Variants in PLGRKT observed in about 807,000 individuals in gnomAD.
PLGRKT encodes plasminogen receptor with a C-terminal lysine, also known as plasminogen receptor (KT).
Under a neutral mutation model 18.5 loss-of-function variants are expected in PLGRKT, and 22 were observed. That is an observed-to-expected ratio of 1.19 (90% CI 0.85 to 1.70). PLGRKT has a LOEUF of 1.70. Ranked by LOEUF, PLGRKT falls within the 40% of genes most tolerant of loss-of-function variation. The probability of loss-of-function intolerance (pLI) is 0.00; values close to 1 mark genes in which losing one functional copy is unlikely to be tolerated. For missense variants in PLGRKT, 235 were observed against 174.4 expected (o/e 1.35, Z -1.96); for synonymous variants, 72 against 52.8 (o/e 1.36, Z -1.58).
intron 3 of PLGRKT, among the ~76,000 whole-genome samples, chr9:5,431,301 A>C (rs1254319050): frequency 2.0e-5 from 3 of 152,142 alleles, no homozygotes; most frequent in Non-Finnish European, 4.4e-5. Context: ...TGGGAGGCTG[A>C]GGCCAGTAGA....
At chr9:5,438,101 G>A (rs1419434453), upstream of PLGRKT, among the ~76,000 whole-genome samples, 1 of 152,176 alleles carries the variant, frequency 6.6e-6, no homozygotes, top group Non-Finnish European at 1.5e-5. Flanking sequence ...CAGAGGAAGC[G>A]GAGTGGAATT....
At position 5,418,358 on chromosome 9, in the gene PLGRKT, G is replaced by A. The variant is rs894245436; in HGVS notation, c.81+13539C>T. 1.4e-6 allele frequency: 1 copy of A among 711,780 alleles called. No individual in the cohort carries two copies. Among genetic ancestry groups the A allele is most frequent in the African/African-American group, 1.8e-5 (1 of 56,748 alleles). The allele number at this position is 711,780 out of a possible 1,614,324, so 44.1% of individuals were successfully genotyped here. A position where few individuals can be genotyped will look rare whatever the true frequency, so the allele number is the denominator to read the frequency against. The stretch of plus-strand genomic sequence containing the variant: ...GTTGGCACCCACAAGAGACTTCCCT[G>A]CAGCCCTCTCCAGCCACAAGATGTC... On this transcript the variant is annotated intron_variant, in intron 3 of 5. Transcript: ENST00000223864. The surrounding 1 kb of genome is among the most constrained non-coding windows in gnomAD (Gnocchi z 4.2).
In PLGRKT at chr9:5,418,406, AG is replaced by A. The variant is rs775943398; in HGVS notation, c.81+13490del. On this transcript the variant is annotated intron_variant, in intron 3 of 5. Coordinates refer to ENST00000223864, the MANE Select transcript of PLGRKT (RefSeq NM_018465.4). The surrounding 1 kb of genome is among the most constrained non-coding windows in gnomAD (Gnocchi z 4.2). ...GTCACAGTCAAGCGCTTAGAAATGCAGGACATGTTATGGAGCACGATGCTGA... is the reference window on the plus strand; with the variant it reads ...GTCACAGTCAAGCGCTTAGAAATGCAGACATGTTATGGAGCACGATGCTGA... 17 of 831,744 alleles carry A rather than the reference AG, an allele frequency of 2.0e-5. No individual in the cohort carries two copies. Among genetic ancestry groups the A allele is most frequent in the East Asian group, 1.6e-4 (6 of 37,640 alleles). The allele number at this position is 831,744 out of a possible 1,614,324, so 51.5% of individuals were successfully genotyped here. A position where few individuals can be genotyped will look rare whatever the true frequency, so the allele number is the denominator to read the frequency against.
intron 3 of PLGRKT, among the ~76,000 whole-genome samples, chr9:5,384,584 T>C (rs1817806685): frequency 6.6e-6 from 1 of 152,168 alleles, no homozygotes; most frequent in African/African-American, 2.4e-5. Context: ...ACTCTGGAGA[T>C]ACTGCTCTTG....
intron 3 of PLGRKT, among the ~76,000 whole-genome samples, chr9:5,388,119 G>A (rs1432668741): frequency 6.6e-6 from 1 of 151,830 alleles, no homozygotes; most frequent in African/African-American, 2.4e-5. Context: ...TGGATGAAAT[G>A]CCCCAGGAAG....
intron 3 of PLGRKT, among the ~76,000 whole-genome samples, chr9:5,385,674 G>A (rs528902112): frequency 1.3e-5 from 2 of 151,870 alleles, no homozygotes; most frequent in African/African-American, 2.4e-5. Context: ...TGAGTAAGGA[G>A]GAACCCCCAA....
chr9:5,380,605 T>C (rs949517857), intron 3 of PLGRKT, among the ~76,000 whole-genome samples: 5 of 152,136 alleles, frequency 3.3e-5, no homozygotes, highest in Non-Finnish European at 7.4e-5. Context: ...TCCTTCCCTG[T>C]TTTACTGAAC....
At chr9:5,427,209 G>T (rs1014809107) in intron 3 of PLGRKT, among the ~76,000 whole-genome samples, 9 of 152,140 alleles carry the variant, frequency 5.9e-5, no homozygotes, top group African/African-American at 2.2e-4. Flanking sequence ...TAGCCAAGCT[G>T]TCCACACTAC....
At chr9:5,407,268 T>C (rs571964348) in intron 3 of PLGRKT, among the ~76,000 whole-genome samples, 42 of 152,314 alleles carry the variant, frequency 2.8e-4, no homozygotes, top group African/African-American at 9.9e-4. Flanking sequence ...TGGCCCCATA[T>C]TGCTAATTTG....
intron 3 of PLGRKT, among the ~76,000 whole-genome samples, chr9:5,406,952 C>T (rs1222768526): frequency 6.6e-6 from 1 of 152,106 alleles, no homozygotes; most frequent in African/African-American, 2.4e-5. Context: ...TCTCACTGTG[C>T]TTTTTGTTTG....
intron 3 of PLGRKT, among the ~76,000 whole-genome samples, chr9:5,385,595 T>A (rs555599676): frequency 6.6e-5 from 10 of 151,832 alleles, no homozygotes; most frequent in African/African-American, 2.2e-4. Context: ...CTCACATACT[T>A]GCCACTCTTC....
chr9:5,375,332 G>C (rs760036259), intron 3 of PLGRKT, among the ~76,000 whole-genome samples: 1 of 152,122 alleles, frequency 6.6e-6, no homozygotes, highest in Admixed American at 6.5e-5. Context: ...GGGAGGTGGG[G>C]AGGAGCCACA....
intron 2 of PLGRKT, among the ~76,000 whole-genome samples, chr9:5,434,686 G>A (rs959414748): frequency 4.0e-5 from 6 of 150,920 alleles, no homozygotes; most frequent in African/African-American, 1.5e-4. Context: ...CCCCGTCTGG[G>A]AAGTGAGGTG....
chr9:5,369,870 T>C (rs935145255), intron 3 of PLGRKT, among the ~76,000 whole-genome samples: 1 of 152,010 alleles, frequency 6.6e-6, no homozygotes, highest in South Asian at 2.1e-4. Flanking sequence ...TTCTCACTCA[T>C]ATGTGGGAGT....
chr9:5,408,358 C>G (rs10975099), intron 3 of PLGRKT, among the ~76,000 whole-genome samples: 46,658 of 152,088 alleles, frequency 0.31, 7,295 homozygotes, highest in South Asian at 0.43. Flanking sequence ...AGTCACTTCT[C>G]TTAAGCTTTA....
At chr9:5,424,686 A>G (rs1249810975) in intron 3 of PLGRKT, among the ~76,000 whole-genome samples, 1 of 73,430 alleles carries the variant, frequency 1.4e-5, no homozygotes, top group African/African-American at 5.4e-5. Flanking sequence ...ATATATATAT[A>G]TATATACACA....
intron 3 of PLGRKT, among the ~76,000 whole-genome samples, chr9:5,409,749 C>G (rs748792977): frequency 3.3e-5 from 5 of 152,208 alleles, no homozygotes; most frequent in Non-Finnish European, 7.3e-5. Flanking sequence ...CAGTTTGGAG[C>G]TTTAAGGTTT....
In PLGRKT at chr9:5,391,569, T is replaced by C. The variant is rs77055358; in HGVS notation, c.82-29681A>G. Among the ~76,000 whole-genome samples the C allele has an allele frequency of 2.2e-3, 334 of 152,028 alleles. 6 individuals carry two copies. The highest frequency in any genetic ancestry group is 7.7e-3 in the African/African-American group (317 of 41,316). On this transcript the variant is annotated intron_variant, in intron 3 of 5. Transcript: ENST00000223864. ...TGATAAACTGGTGTAGACCGAACTC[T>C]GCTTTCTCCATGTCACCCTGTAATC... is the stretch of plus-strand genomic sequence containing the variant.
chr9:5,372,566 C>T (rs938623347), intron 3 of PLGRKT, among the ~76,000 whole-genome samples: 1 of 152,160 alleles, frequency 6.6e-6, no homozygotes, highest in Admixed American at 6.5e-5. Flanking sequence ...TCAGCCAGAA[C>T]GTGGGATTCT....
Sources: gnomAD v4.1 joint callset for allele counts (sites outside exome capture counted in the v4.1 genomes callset) on GRCh38, gnomAD v4.1.1 for gene constraint, Gnocchi (gnomAD v3.1) non-coding constraint, MANE v1.5 for transcripts, NCBI Gene and HGNC (gene_info 2026-07-23, HGNC 2026-07-21) for gene names.